Variants in GRIK1 observed in about 807,000 individuals in gnomAD.
GRIK1 encodes glutamate ionotropic receptor kainate type subunit 1, also known as glutamate receptor ionotropic, kainate 1.
In GRIK1, 69 loss-of-function variants were observed where a neutral mutation model predicts 105.7. The observed-to-expected ratio is 0.65, with a 90% CI of 0.54 to 0.80. The LOEUF (loss-of-function observed/expected upper bound fraction) is 0.80. GRIK1 is among the 30% of genes least tolerant of loss of function. GRIK1 has a pLI of 0.00. For missense variants in GRIK1, 1,109 were observed against 1,167.3 expected (o/e 0.95, Z 0.73); for synonymous variants, 438 against 431.3 (o/e 1.02, Z -0.19).
At chr21:29,695,464 C>CTATA (rs1453467817) in intron 1 of GRIK1, among the ~76,000 whole-genome samples, 12 of 145,084 alleles carry the variant, frequency 8.3e-5, no homozygotes, top group South Asian at 2.2e-4. Flanking sequence ...ATCTATCTAT[C>CTATA]TATCTATCTA....
chr21:29,596,379 A>G, intron 9 of GRIK1, 147 bp downstream of exon 9: 1 of 762,996 alleles, frequency 1.3e-6, no homozygotes, highest in African/African-American at 1.7e-5. Context: ...AACATATTCA[A>G]TCACTCCTCT....
chr21:29,762,159 T>A (rs980961989), intron 1 of GRIK1, among the ~76,000 whole-genome samples: 6 of 152,260 alleles, frequency 3.9e-5, no homozygotes, highest in Non-Finnish European at 7.3e-5. Flanking sequence ...CTTCATGCAA[T>A]GCTCTATCCT....
At chr21:29,557,605 G>A (rs1013499180) in intron 15 of GRIK1, among the ~76,000 whole-genome samples, 4 of 152,076 alleles carry the variant, frequency 2.6e-5, no homozygotes, top group Non-Finnish European at 4.4e-5. Flanking sequence ...TGAAATAATC[G>A]TCAGCATTCA....
At chr21:29,903,083 A>C (rs1027175266) in intron 1 of GRIK1, among the ~76,000 whole-genome samples, 1 of 152,248 alleles carries the variant, frequency 6.6e-6, no homozygotes, top group African/African-American at 2.4e-5. Context: ...AGCCATATGC[A>C]GAAAACTGAA....
rs16984341 is a variant in GRIK1 at position 29,537,985 on chromosome 21, A to G, written c.2608-101T>C. On this transcript the variant is annotated intron_variant, in intron 16 of 17. Coordinates refer to ENST00000327783, the MANE Select transcript of GRIK1 (RefSeq NM_001330994.2). ...AATGATGCAGCTGTGGTCGAAATGA[A>G]AAATAATGTGGTACTGAACTTCACA... The G allele has an allele frequency of 7.6e-3, 4,877 of 643,528 alleles. 166 individuals are homozygous for G. In the African/African-American group the frequency reaches 0.076, roughly 10 times the overall value. The allele number at this position is 643,528 out of a possible 1,614,324, so 39.9% of individuals were successfully genotyped here.
intron 1 of GRIK1, among the ~76,000 whole-genome samples, chr21:29,715,287 C>G (rs773751949): frequency 6.6e-6 from 1 of 152,122 alleles, no homozygotes; most frequent in Non-Finnish European, 1.5e-5. Flanking sequence ...GCAGTTTCCC[C>G]TAGGACTATC....
chr21:29,665,728 A>T (rs2063046002), intron 4 of GRIK1, among the ~76,000 whole-genome samples: 1 of 152,248 alleles, frequency 6.6e-6, no homozygotes, highest in African/African-American at 2.4e-5. Flanking sequence ...GAGGTGACTG[A>T]GTTGAAGAGG....
intron 7 of GRIK1, among the ~76,000 whole-genome samples, chr21:29,632,011 C>T (rs60125459): frequency 2.6e-4 from 39 of 151,906 alleles, no homozygotes; most frequent in Non-Finnish European, 4.1e-4. Flanking sequence ...GCCAAAATAT[C>T]CATGCAGAAG....
intron 1 of GRIK1, among the ~76,000 whole-genome samples, chr21:29,699,342 C>T (rs1439466639): frequency 6.6e-6 from 1 of 152,146 alleles, no homozygotes; most frequent in Non-Finnish European, 1.5e-5. Context: ...TAGGGTAGGC[C>T]TTAAACCACT....
intron 7 of GRIK1, chr21:29,630,512 A>C (rs763157321): frequency 1.1e-4 from 53 of 471,584 alleles, no homozygotes; most frequent in Non-Finnish European, 2.3e-4. Flanking sequence ...TTTAGAAAAC[A>C]GAGATTTGCT....
intron 1 of GRIK1, among the ~76,000 whole-genome samples, chr21:29,851,202 G>A (rs1036598852): frequency 1.3e-5 from 2 of 151,974 alleles, no homozygotes; most frequent in African/African-American, 4.8e-5. Context: ...CTACAAGCGT[G>A]AGCCACCACA....
intron 1 of GRIK1, among the ~76,000 whole-genome samples, chr21:29,934,491 G>T (rs1442521668): frequency 6.6e-6 from 1 of 151,926 alleles, no homozygotes; most frequent in Non-Finnish European, 1.5e-5. Flanking sequence ...TTCATGTTAG[G>T]ACAAATACAG....
intron 3 of GRIK1, among the ~76,000 whole-genome samples, chr21:29,675,902 T>A (rs534970075): frequency 6.6e-6 from 1 of 152,296 alleles, no homozygotes; most frequent in South Asian, 2.1e-4. Flanking sequence ...AACTTTAGGA[T>A]TTCTTGTCAA....
intron 15 of GRIK1, among the ~76,000 whole-genome samples, chr21:29,555,638 T>G (rs2090233105): frequency 6.6e-6 from 1 of 152,120 alleles, no homozygotes; most frequent in African/African-American, 2.4e-5. Flanking sequence ...CTGTGTAAGC[T>G]AAAAATAAAA....
chr21:29,814,931 G>A (rs2067114994), intron 1 of GRIK1, among the ~76,000 whole-genome samples: 1 of 152,078 alleles, frequency 6.6e-6, no homozygotes, highest in African/African-American at 2.4e-5. Context: ...ACCCGCCTGT[G>A]CAATCTTGAC....
chr21:29,710,296 G>T (rs1801197865), intron 1 of GRIK1, among the ~76,000 whole-genome samples: 1 of 151,814 alleles, frequency 6.6e-6, no homozygotes, highest in African/African-American at 2.4e-5. Context: ...GTAGCATTTT[G>T]CACTTATTAA....
rs2061450861 is a variant in GRIK1 at position 29,598,074 on chromosome 21, T to C, written c.1206+756A>G. ...GCTTTGGGGGTTTCAATTGTTTTTC[T>C]ATAAGATTGTCAGTGCAAAATCTTC... On this transcript the variant is annotated intron_variant, in intron 8 of 17. Transcript: ENST00000327783. Among the ~76,000 whole-genome samples the C allele has an allele frequency of 2.0e-5, 3 of 152,344 alleles. No individual in the cohort carries two copies. In the East Asian group the frequency reaches 5.8e-4, roughly 29 times the overall value.
chr21:29,912,208 A>T lies in GRIK1; in HGVS notation c.118+27175T>A, dbSNP rs148049029. On this transcript the variant is annotated intron_variant, in intron 1 of 17. Transcript: ENST00000327783. Reference sequence around the variant, plus strand: ...CCTTGATCAAAAACTGCCTAAATCCAAAGGGCATCAGCCTAAGGGCTAAGG... The same window carrying T: ...CCTTGATCAAAAACTGCCTAAATCCTAAGGGCATCAGCCTAAGGGCTAAGG... 3.5e-3 allele frequency among the ~76,000 whole-genome samples: 535 copies of T among 152,228 alleles called. 1 individual carries two copies. The highest frequency in any genetic ancestry group is 0.012 in the African/African-American group (519 of 41,560).
intron 1 of GRIK1, among the ~76,000 whole-genome samples, chr21:29,770,904 A>G (rs2065797064): frequency 6.6e-6 from 1 of 152,234 alleles, no homozygotes; most frequent in South Asian, 2.1e-4. Flanking sequence ...GAAACAGAAA[A>G]CAGTGATGTT....
Sources: gnomAD v4.1 joint callset for allele counts (sites outside exome capture counted in the v4.1 genomes callset) on GRCh38, gnomAD v4.1.1 for gene constraint, MANE v1.5 for transcripts, NCBI Gene and HGNC (gene_info 2026-07-23, HGNC 2026-07-21) for gene names.